Variants in HAUS7 observed in about 807,000 individuals in gnomAD.
HAUS7 encodes HAUS augmin-like complex subunit 7.
A neutral mutation model predicts 28.4 loss-of-function variants in HAUS7; 3 were observed. That is an observed-to-expected ratio of 0.11 (90% CI 0.05 to 0.27). The LOEUF is 0.27. HAUS7 is among the 10% of genes least tolerant of loss of function. The pLI is 1.00. For synonymous variants in HAUS7, 165 were observed against 132.1 expected, an observed-to-expected ratio of 1.25 and a Z score of -1.71; for missense variants, 284 against 297.3, an observed-to-expected ratio of 0.96 and a Z score of 0.33.
At chrX:153,453,633 A>G (rs2124072320) in intron 9 of HAUS7, among the ~76,000 whole-genome samples, 1 of 109,937 alleles carries the variant, frequency 9.1e-6, no homozygotes. Flanking sequence ...ATGGATACTT[A>G]ATAATTACCA....
At chrX:153,475,583 C>T (rs2089557531) in intron 1 of HAUS7, among the ~76,000 whole-genome samples, 1 of 112,294 alleles carries the variant, frequency 8.9e-6, no homozygotes, top group Non-Finnish European at 1.9e-5. Context: ...GGGCTTTTTT[C>T]TTCTCCAAGC....
At chrX:153,455,505 A>AG (rs2089293935) in intron 8 of HAUS7, 37 bp downstream of exon 8, 2 of 882,235 alleles carry the variant, frequency 2.3e-6, no homozygotes, top group Non-Finnish European at 1.7e-6. Flanking sequence ...TGAACAGGGG[A>AG]GGGGGCGGTT....
At chrX:153,467,656 T>G (rs1184030499) in intron 2 of HAUS7, among the ~76,000 whole-genome samples, 3 of 112,582 alleles carry the variant, frequency 2.7e-5, no homozygotes, top group Non-Finnish European at 5.6e-5. Flanking sequence ...CCAGGACTTG[T>G]ACCCACTAAA....
At chrX:153,493,817 G>T (rs1302021952) in intron 1 of HAUS7, among the ~76,000 whole-genome samples, 6 of 111,667 alleles carry the variant, frequency 5.4e-5, no homozygotes, top group African/African-American at 2.0e-4. Context: ...CCCACCCCCC[G>T]GTTGAGTGAT....
chrX:153,467,819 G>A, intron 2 of HAUS7, among the ~76,000 whole-genome samples: 1 of 112,871 alleles, frequency 8.9e-6, no homozygotes, highest in Non-Finnish European at 1.9e-5. Flanking sequence ...TGCACCCACA[G>A]GTTGAGGGCT....
At chrX:153,457,318 C>A in intron 4 of HAUS7, 90 bp from the exon 5 acceptor site, 1 of 599,207 alleles carries the variant, frequency 1.7e-6, no homozygotes, top group Admixed American at 2.6e-5. Context: ...CACATGCCAC[C>A]CATGCCAGGA....
chrX:153,470,586 A>G, upstream of HAUS7: 1 of 1,167,139 alleles, frequency 8.6e-7, no homozygotes, highest in Non-Finnish European at 1.2e-6. Flanking sequence ...CGCCCCGCCC[A>G]TGCCCTGGCT....
chrX:153,452,363 TATAAAA>T (rs1345557981), intron 9 of HAUS7, among the ~76,000 whole-genome samples: 1 of 112,161 alleles, frequency 8.9e-6, no homozygotes, highest in Admixed American at 9.4e-5. Flanking sequence ...CATCGATAAA[TATAAAA>T]ATGTGTACCA....
At chrX:153,456,829 C>T in intron 5 of HAUS7, 178 bp from the exon 6 acceptor site, 1 of 450,960 alleles carries the variant, frequency 2.2e-6, no homozygotes, top group Non-Finnish European at 3.8e-6. Context: ...TTTTTGCCCG[C>T]CTACCTACCC....
chrX:153,463,123 C>G, intron 3 of HAUS7: 2 of 333,443 alleles, frequency 6.0e-6, no homozygotes, highest in Non-Finnish European at 5.8e-6. Flanking sequence ...AGACCTTGTT[C>G]CATTTCATGC....
chrX:153,469,080 C>T (rs1422452678), intron 2 of HAUS7, 66 bp downstream of exon 2: 9 of 613,607 alleles, frequency 1.5e-5, no homozygotes, highest in South Asian at 9.6e-5. Flanking sequence ...CCCCATCTTC[C>T]CCAGGTGGGG....
intron 1 of HAUS7, chrX:153,481,928 A>T: frequency 1.4e-6 from 1 of 722,848 alleles, no homozygotes; most frequent in Non-Finnish European, 1.6e-6. Context: ...CCTTCAAGGT[A>T]TGCTGTGGCC....
rs1556982014 is a variant in HAUS7, at chrX:153,455,774, G to A, written c.706-8C>T. 5.3e-6 allele frequency: 6 copies of A among 1,129,179 alleles called. No individual in the cohort carries two copies. The highest frequency in any genetic ancestry group is 7.3e-6 in the Non-Finnish European group (6 of 825,608). The allele number at this position is 1,129,179 out of a possible 1,213,427, so 93.1% of individuals were successfully genotyped here. On this transcript the variant is annotated splice_polypyrimidine_tract_variant and splice_region_variant and intron_variant, in intron 7 of 9. Transcript: ENST00000370211. ...CTCATGCTGTGCAAAGTACTGCAAA[G>A]CCAGAGGCAGAGTCCCTTGAGGCTG... is the stretch of plus-strand genomic sequence containing the variant.
intron 4 of HAUS7, among the ~76,000 whole-genome samples, chrX:153,460,819 G>A (rs376844559): frequency 8.9e-6 from 1 of 112,423 alleles, no homozygotes; most frequent in East Asian, 2.8e-4. Flanking sequence ...GGAGCTGGCC[G>A]TGCCACCACC....
intron 4 of HAUS7, among the ~76,000 whole-genome samples, chrX:153,460,574 A>G (rs1556983166): frequency 9.1e-6 from 1 of 110,344 alleles, no homozygotes; most frequent in East Asian, 2.8e-4. Flanking sequence ...AAAAAAAAAA[A>G]GCAGCAGCGA....
chrX:153,448,928 C>T, intron 9 of HAUS7, among the ~76,000 whole-genome samples: 1 of 113,054 alleles, frequency 8.8e-6, no homozygotes, highest in South Asian at 3.7e-4. Flanking sequence ...AGGGGCTGTC[C>T]TGACTTCAGT....
intron 1 of HAUS7, among the ~76,000 whole-genome samples, chrX:153,490,233 C>T (rs148262626): frequency 0.033 from 3,682 of 112,979 alleles, 136 homozygotes; most frequent in African/African-American, 0.11. Flanking sequence ...CAGACCATGC[C>T]TCTCTAAAGA....
intron 4 of HAUS7, among the ~76,000 whole-genome samples, chrX:153,457,949 G>A (rs945091005): frequency 3.5e-5 from 4 of 113,239 alleles, no homozygotes; most frequent in Admixed American, 9.2e-5. Flanking sequence ...TCCTAACCAC[G>A]TCAAAAGGGT....
intron 1 of HAUS7, among the ~76,000 whole-genome samples, chrX:153,484,262 C>T (rs1467854902): frequency 8.9e-6 from 1 of 112,430 alleles, no homozygotes; most frequent in Non-Finnish European, 1.9e-5. Context: ...GAGCTCAGCT[C>T]GACATCCTCC....
Sources: gnomAD v4.1 joint callset for allele counts (sites outside exome capture counted in the v4.1 genomes callset) on GRCh38, gnomAD v4.1.1 for gene constraint, MANE v1.5 for transcripts, NCBI Gene and HGNC (gene_info 2026-07-23, HGNC 2026-07-21) for gene names.